MYO1D: variants seen among roughly 807,000 people sequenced by gnomAD.
MYO1D encodes the protein unconventional myosin-Id.
MYO1D carries 83 observed loss-of-function variants against 122.0 expected under a neutral mutation model. That is an observed-to-expected ratio of 0.68 (90% CI 0.57 to 0.82). The LOEUF is 0.82. Ranked by LOEUF, MYO1D falls within the 40% of genes least tolerant of loss-of-function variation. The pLI is 0.00. For missense variants in MYO1D, 1,157 were observed against 1,269.5 expected, an observed-to-expected ratio of 0.91 and a Z score of 1.35; for synonymous variants, 464 against 446.9, an observed-to-expected ratio of 1.04 and a Z score of -0.48.
chr17:32,865,804 T>C (rs2151090272), intron 1 of MYO1D, among the ~76,000 whole-genome samples: 1 of 152,310 alleles, frequency 6.6e-6, no homozygotes, highest in South Asian at 2.1e-4. Context: ...TCTTCAGGAA[T>C]GAGGCTAGGA....
chr17:32,721,622 A>C (rs1402665486), intron 14 of MYO1D, among the ~76,000 whole-genome samples: 1 of 152,190 alleles, frequency 6.6e-6, no homozygotes, highest in Non-Finnish European at 1.5e-5. Context: ...ATAGGGACGG[A>C]CAGCTCTGGT....
chr17:32,596,916 G>T (rs187501690), intron 21 of MYO1D, among the ~76,000 whole-genome samples: 1 of 152,208 alleles, frequency 6.6e-6, no homozygotes, highest in Non-Finnish European at 1.5e-5. Flanking sequence ...GGTAGCTGCT[G>T]CTGAGAATGA....
chr17:32,751,022 G>C (rs999113321), intron 11 of MYO1D, among the ~76,000 whole-genome samples: 4 of 152,086 alleles, frequency 2.6e-5, no homozygotes, highest in African/African-American at 9.7e-5. Flanking sequence ...CTTACATTTG[G>C]ATACTGCAAA....
At chr17:32,659,021 A>C in intron 17 of MYO1D, 94 bp downstream of exon 17, 1 of 1,177,646 alleles carries the variant, frequency 8.5e-7, no homozygotes, top group East Asian at 2.4e-5. Context: ...AACAGCAAAT[A>C]GCTGAGTCAA....
Position 32,787,276 on chromosome 17 carries a change from T to G in MYO1D, c.96-6492A>C, listed in dbSNP as rs537054979. On this transcript the variant is annotated intron_variant, in intron 1 of 21. Transcript: ENST00000318217. Reference sequence around the variant, plus strand: ...AATTTTTTGTATTATCTCATTTATATGTAAAATCTTAAATTTTTTTTACCT... The same window carrying G: ...AATTTTTTGTATTATCTCATTTATAGGTAAAATCTTAAATTTTTTTTACCT... 3.3e-5 allele frequency among the ~76,000 whole-genome samples: 5 copies of G among 152,324 alleles called. No individual in the cohort carries two copies. In the East Asian group the frequency reaches 9.6e-4, roughly 29 times the overall value.
chr17:32,726,556 A>G (rs1230007380), intron 14 of MYO1D, among the ~76,000 whole-genome samples: 1 of 150,580 alleles, frequency 6.6e-6, no homozygotes, highest in African/African-American at 2.4e-5. Context: ...ATAGATGTAA[A>G]TTACAATCTA....
chr17:32,693,355 G>GA (rs2089129396), intron 16 of MYO1D, among the ~76,000 whole-genome samples: 1 of 147,088 alleles, frequency 6.8e-6, no homozygotes, highest in Non-Finnish European at 1.5e-5. Context: ...TCTCAAGAGA[G>GA]AAGTGTCTTG....
intron 10 of MYO1D, 61 bp downstream of exon 10, chr17:32,760,229 A>G (rs1346739584): frequency 7.5e-6 from 10 of 1,340,446 alleles, no homozygotes; most frequent in Non-Finnish European, 1.1e-6. Context: ...CTAAAATAAA[A>G]TTTGACATTA....
chr17:32,539,135 ATGT>A (rs1200520190), intron 21 of MYO1D, among the ~76,000 whole-genome samples: 1 of 152,132 alleles, frequency 6.6e-6, no homozygotes, highest in Non-Finnish European at 1.5e-5. Flanking sequence ...AAAATAGATG[ATGT>A]TCAAATATGA....
intron 21 of MYO1D, among the ~76,000 whole-genome samples, chr17:32,525,364 A>C (rs1910305569): frequency 6.6e-6 from 1 of 152,132 alleles, no homozygotes; most frequent in Non-Finnish European, 1.5e-5. Context: ...GCCACATGGC[A>C]TGCAGCTGTG....
At chr17:32,742,686 G>A (rs1361151203) in intron 13 of MYO1D, among the ~76,000 whole-genome samples, 2 of 152,142 alleles carry the variant, frequency 1.3e-5, no homozygotes, top group African/African-American at 2.4e-5. Flanking sequence ...ATTCCCTTCT[G>A]AAAGTCCCTT....
chr17:32,615,009 A>T (rs1287880923), intron 20 of MYO1D, among the ~76,000 whole-genome samples: 5 of 152,232 alleles, frequency 3.3e-5, no homozygotes, highest in African/African-American at 1.2e-4. Context: ...TGTGGAGCAG[A>T]GGCATGCTGG....
rs558234813 is a variant in MYO1D, at chr17:32,640,349, A to C, written c.2596-1514T>G. On this transcript the variant is annotated intron_variant, in intron 19 of 21. Coordinates refer to ENST00000318217, the MANE Select transcript of MYO1D (RefSeq NM_015194.3). ...TTTTTTCTTTTATTATTATACTTTAAGTTTTAGGGTACATGTGCACAATGT... is the reference window on the plus strand; with the variant it reads ...TTTTTTCTTTTATTATTATACTTTACGTTTTAGGGTACATGTGCACAATGT... 2.6e-5 allele frequency among the ~76,000 whole-genome samples: 4 copies of C among 151,942 alleles called. No individual in the cohort carries two copies. In the South Asian group the frequency reaches 8.4e-4, roughly 32 times the overall value.
rs371986759 is a variant in MYO1D at position 32,746,501 on chromosome 17, C to T, written c.1539-1216G>A. Among the ~76,000 whole-genome samples, 25 of 152,164 alleles carry T rather than the reference C, an allele frequency of 1.6e-4. No homozygotes were observed. In the South Asian group the frequency reaches 3.1e-3, roughly 19 times the overall value. On this transcript the variant is annotated intron_variant, in intron 12 of 21. Transcript: ENST00000318217. ...ACTCTAAATTCCAAATGAGTAATTG[C>T]TATTACTCATATGGCAATTATTTTA...
At chr17:32,691,163 A>C (rs2150973889) in intron 16 of MYO1D, among the ~76,000 whole-genome samples, 1 of 151,802 alleles carries the variant, frequency 6.6e-6, no homozygotes, top group South Asian at 2.1e-4. Context: ...AGGCCAACAC[A>C]GGAGGATTGC....
chr17:32,836,720 T>A (rs2090828356), intron 1 of MYO1D, among the ~76,000 whole-genome samples: 1 of 152,314 alleles, frequency 6.6e-6, no homozygotes, highest in African/African-American at 2.4e-5. Flanking sequence ...CATTAACTAT[T>A]ATAGTTACAT....
At chr17:32,548,912 C>T (rs1431174981) in intron 21 of MYO1D, among the ~76,000 whole-genome samples, 4 of 151,876 alleles carry the variant, frequency 2.6e-5, no homozygotes, top group African/African-American at 9.7e-5. Flanking sequence ...TGGGGTCTCA[C>T]CATGTTGGCC....
intron 1 of MYO1D, among the ~76,000 whole-genome samples, chr17:32,864,148 C>T (rs1236167575): frequency 6.7e-6 from 1 of 149,208 alleles, no homozygotes; most frequent in African/African-American, 2.5e-5. Flanking sequence ...ATGACATATT[C>T]CTTGGAACCC....
At chr17:32,704,184 G>A (rs897552719) in intron 16 of MYO1D, among the ~76,000 whole-genome samples, 1 of 152,098 alleles carries the variant, frequency 6.6e-6, no homozygotes, top group Non-Finnish European at 1.5e-5. Context: ...TGTGATATAA[G>A]GAACACACAC....
Sources: gnomAD v4.1 joint callset for allele counts (sites outside exome capture counted in the v4.1 genomes callset) on GRCh38, gnomAD v4.1.1 for gene constraint, MANE v1.5 for transcripts, NCBI Gene and HGNC (gene_info 2026-07-23, HGNC 2026-07-21) for gene names.